The following BMP8B variants were observed in gnomAD, a reference collection of about 807,000 sequenced individuals.
BMP8B encodes the protein bone morphogenetic protein 8 (osteogenic protein 2).
A neutral mutation model predicts 30.3 loss-of-function variants in BMP8B; 17 were observed. That is an observed-to-expected ratio of 0.56 (90% CI 0.38 to 0.84). The LOEUF (loss-of-function observed/expected upper bound fraction) is 0.84, where lower values mean the gene tolerates loss of function less well. Ranked by LOEUF, BMP8B falls within the 40% of genes least tolerant of loss-of-function variation. BMP8B has a pLI of 0.00. For synonymous variants in BMP8B, 131 were observed against 214.7 expected, an observed-to-expected ratio of 0.61 and a Z score of 3.41; for missense variants, 253 against 494.6, an observed-to-expected ratio of 0.51 and a Z score of 4.63.
chr1:39,762,405 T>G (rs1649117284), intron 6 of BMP8B: 1 of 1,350,468 alleles, frequency 7.4e-7, no homozygotes, highest in Non-Finnish European at 9.9e-7. Flanking sequence ...ACTGGGATTC[T>G]AGGTAAAAAG....
intron 1 of BMP8B, among the ~76,000 whole-genome samples, chr1:39,777,100 T>C (rs1650287617): frequency 6.6e-6 from 1 of 152,208 alleles, no homozygotes; most frequent in Non-Finnish European, 1.5e-5. Flanking sequence ...AGGAATGCTG[T>C]GTAGAGGAGG....
chr1:39,775,486 C>T (rs2780925), intron 1 of BMP8B, among the ~76,000 whole-genome samples: 53,669 of 152,070 alleles, frequency 0.35, 10,731 homozygotes, highest in African/African-American at 0.55. Flanking sequence ...ACATAACTGA[C>T]GGCATCTCAG....
chr1:39,767,125 T>C (rs1227175077), intron 3 of BMP8B, among the ~76,000 whole-genome samples: 17 of 151,706 alleles, frequency 1.1e-4, no homozygotes, highest in Admixed American at 1.1e-3. Flanking sequence ...AATGTCGCAT[T>C]AGATCAGTTA....
chr1:39,771,756 GC>G (rs1407440125), intron 3 of BMP8B, among the ~76,000 whole-genome samples: 5 of 147,410 alleles, frequency 3.4e-5, no homozygotes, highest in African/African-American at 1.3e-4. Context: ...CCCCACTACA[GC>G]CTCCCAGAGC....
chr1:39,760,219 C>G lies in BMP8B; in HGVS notation c.*200G>C, dbSNP rs1648748533. On this transcript the variant is annotated 3_prime_UTR_variant, in exon 7 of 7. Transcript: ENST00000372827. Reference sequence around the variant, plus strand: ...TGATTGAGACCACCTGGGCTGGAAACAGGACAGTCACACAAATGCCTGGCA... The same window carrying G: ...TGATTGAGACCACCTGGGCTGGAAAGAGGACAGTCACACAAATGCCTGGCA... The G allele has an allele frequency of 6.6e-6, 6 of 910,100 alleles. No homozygotes were observed. Among genetic ancestry groups the G allele is most frequent in the Non-Finnish European group, 8.0e-6 (5 of 621,168 alleles). 56.4% of individuals were successfully genotyped at this position (910,100 alleles called of 1,614,324 possible). A position where few individuals can be genotyped will look rare whatever the true frequency, so the allele number is the denominator to read the frequency against.
chr1:39,760,770 C>T (rs1252188653), intron 6 of BMP8B, among the ~76,000 whole-genome samples: 3 of 152,136 alleles, frequency 2.0e-5, no homozygotes, highest in Non-Finnish European at 4.4e-5. Flanking sequence ...CACGCAGTGC[C>T]CAGGGAGGGA....
At chr1:39,778,423 C>T (rs1569846666) in intron 1 of BMP8B, among the ~76,000 whole-genome samples, 1 of 151,410 alleles carries the variant, frequency 6.6e-6, no homozygotes, top group Non-Finnish European at 1.5e-5. Flanking sequence ...CAAAAGAAGG[C>T]TTGGGCCCCA....
At chr1:39,783,664 T>C (rs1650802381) in intron 1 of BMP8B, among the ~76,000 whole-genome samples, 2 of 152,226 alleles carry the variant, frequency 1.3e-5, no homozygotes, top group South Asian at 4.1e-4. Flanking sequence ...TCCCAGCACT[T>C]TGGGAGGCTG....
chr1:39,769,605 A>G (rs230320), intron 3 of BMP8B: 339,179 of 1,406,862 alleles, frequency 0.24, 26,284 homozygotes, highest in African/African-American at 0.41. Flanking sequence ...GGAGGCCAGT[A>G]GCAAACCCCT....
chr1:39,769,414 A>C (rs561790), intron 3 of BMP8B: 4 of 317,428 alleles, frequency 1.3e-5, no homozygotes, highest in Middle Eastern at 9.0e-4. Flanking sequence ...CTGTGAATGC[A>C]CTGAGCTGTG....
At chr1:39,777,979 C>T (rs1295821365) in intron 1 of BMP8B, among the ~76,000 whole-genome samples, 2 of 152,372 alleles carry the variant, frequency 1.3e-5, no homozygotes, top group East Asian at 3.9e-4. Flanking sequence ...CTCCCGGCCC[C>T]CATGCCAGGG....
intron 3 of BMP8B, chr1:39,771,443 T>G (rs1649974673): frequency 1.5e-6 from 1 of 679,530 alleles, no homozygotes; most frequent in Non-Finnish European, 2.2e-6. Flanking sequence ...CGCCCTGGGC[T>G]GGGGGCCCCC....
Position 39,788,600 on chromosome 1 carries a change from C to CGGCGGGGCGG in BMP8B, c.-125_-116dup, listed in dbSNP as rs1318451615. 2.4e-6 allele frequency: 2 copies of CGGCGGGGCGG among 842,116 alleles called. No individual in the cohort carries two copies. Among genetic ancestry groups the CGGCGGGGCGG allele is most frequent in the African/African-American group, 1.8e-5 (1 of 54,142 alleles). The allele number at this position is 842,116 out of a possible 1,614,324, so 52.2% of individuals were successfully genotyped here. ...GAGGCTGGGCTCGGCGGGCGGCGGG[C>CGGCGGGGCGG]GGCGGGGCGGGGCGGGACGGGCGGC... On this transcript the variant is annotated 5_prime_UTR_variant, in exon 1 of 7. Transcript: ENST00000372827. The surrounding 1 kb of genome is among the most constrained non-coding windows in gnomAD (Gnocchi z 5.8).
chr1:39,776,590 T>G (rs2248883), intron 1 of BMP8B, among the ~76,000 whole-genome samples: 1 of 151,918 alleles, frequency 6.6e-6, no homozygotes, highest in Non-Finnish European at 1.5e-5. Context: ...GGGCAGGGGA[T>G]GGGGCCAGAC....
chr1:39,788,614 G>C lies in BMP8B; in HGVS notation c.-129C>G. On this transcript the variant is annotated 5_prime_UTR_variant, in exon 1 of 7. Transcript: ENST00000372827. This position sits in a 1 kb window ranked among gnomAD's most constrained non-coding sequence, Gnocchi z 5.8. ...CGGGCGGCGGGCGGCGGGGCGGGGC[G>C]GGACGGGCGGCGACCGCGGCCTCAG... 1.2e-6 allele frequency: 1 copy of C among 859,210 alleles called. No individual in the cohort carries two copies. The highest frequency in any genetic ancestry group is 1.8e-5 in the African/African-American group (1 of 54,362). 53.2% of individuals were successfully genotyped at this position (859,210 alleles called of 1,614,324 possible).
intron 1 of BMP8B, among the ~76,000 whole-genome samples, chr1:39,776,666 G>C (rs1650258369): frequency 6.6e-6 from 1 of 152,218 alleles, no homozygotes; most frequent in Non-Finnish European, 1.5e-5. Context: ...AACGTGCCTT[G>C]TCCCACAGCA....
In BMP8B at chr1:39,788,268, G is replaced by T. The variant is rs1569878068; in HGVS notation, c.218C>A (p.Ala73Glu). The T allele has an allele frequency of 6.5e-6, 9 of 1,387,112 alleles. No individual in the cohort carries two copies. The East Asian group carries it at 2.7e-4, about 42-fold the overall frequency. 85.9% of individuals were successfully genotyped at this position (1,387,112 alleles called of 1,614,324 possible). A position where few individuals can be genotyped will look rare whatever the true frequency, so the allele number is the denominator to read the frequency against. The change falls in exon 1 of 7, where the codon GCG becomes GAG. Residue 73 changes from alanine (A) to glutamate (E), a missense_variant. Coordinates refer to ENST00000372827, the MANE Select transcript of BMP8B (RefSeq NM_001720.5). This position sits in a 1 kb window ranked among gnomAD's most constrained non-coding sequence, Gnocchi z 5.8. The part of the protein sequence containing the change: ...PPAASRLPAS[A>E]PLFMLDLYHA... ...GTACAGGTCCAGCATGAAGAGCGGC[G>T]CGGACGCGGGCAGCCGGGAGGCGGC... is the stretch of plus-strand genomic sequence containing the variant.
At chr1:39,775,725 AC>A in intron 1 of BMP8B, among the ~76,000 whole-genome samples, 1 of 152,368 alleles carries the variant, frequency 6.6e-6, no homozygotes, top group East Asian at 1.9e-4. Context: ...CAGGAGACCC[AC>A]GTTTCCTTTC....
At chr1:39,780,414 T>C (rs1650548502) in intron 1 of BMP8B, among the ~76,000 whole-genome samples, 1 of 152,204 alleles carries the variant, frequency 6.6e-6, no homozygotes, top group Non-Finnish European at 1.5e-5. Context: ...CTTCTCCTAA[T>C]CCACGACCTC....
Sources: gnomAD v4.1 joint callset for allele counts (sites outside exome capture counted in the v4.1 genomes callset) on GRCh38, gnomAD v4.1.1 for gene constraint, Gnocchi (gnomAD v3.1) non-coding constraint, MANE v1.5 for transcripts, NCBI Gene and HGNC (gene_info 2026-07-23, HGNC 2026-07-21) for gene names.